The following GALNT13 variants were observed in gnomAD, a reference collection of about 807,000 sequenced individuals.
GALNT13 encodes the protein polypeptide N-acetylgalactosaminyltransferase 13.
In GALNT13, 28 loss-of-function variants were observed where a neutral mutation model predicts 64.2. The observed-to-expected ratio is 0.44, with a 90% CI of 0.32 to 0.60. GALNT13 has a LOEUF of 0.60. GALNT13 is among the 20% of genes least tolerant of loss of function. The pLI, the probability that GALNT13 is intolerant of heterozygous loss-of-function variation, is 0.05. For synonymous variants in GALNT13, 214 were observed against 224.6 expected (o/e 0.95, Z 0.42); for missense variants, 577 against 669.8 (o/e 0.86, Z 1.53).
At chr2:153,222,253 A>G in the GALNT13 span, among the ~76,000 whole-genome samples, 2 of 97,906 alleles carry the variant, frequency 2.0e-5, no homozygotes, top group Admixed American at 2.7e-4. Flanking sequence ...GGAGACCCAC[A>G]GTGTGTAGCT....
At chr2:153,223,621 A>G in the GALNT13 span, among the ~76,000 whole-genome samples, 1 of 152,182 alleles carries the variant, frequency 6.6e-6, no homozygotes, top group African/African-American at 2.4e-5. Context: ...TTAAAAAAAT[A>G]TGTTCAACTA....
At chr2:153,204,719 T>A in the GALNT13 span, among the ~76,000 whole-genome samples, 1 of 152,156 alleles carries the variant, frequency 6.6e-6, no homozygotes, top group Non-Finnish European at 1.5e-5. Context: ...TTTTGAGTTA[T>A]TTATCAAGAG....
chr2:153,436,744 C>T, the GALNT13 span, among the ~76,000 whole-genome samples: 1 of 152,182 alleles, frequency 6.6e-6, no homozygotes, highest in Admixed American at 6.5e-5. Flanking sequence ...TGCTAACAGT[C>T]TATCAATTTT....
At chr2:153,597,871 A>G in the GALNT13 span, among the ~76,000 whole-genome samples, 1 of 152,104 alleles carries the variant, frequency 6.6e-6, no homozygotes, top group South Asian at 2.1e-4. Flanking sequence ...GGAAATTCAA[A>G]TTAAATAATG....
At chr2:153,823,684 A>T in the GALNT13 span, among the ~76,000 whole-genome samples, 1 of 152,230 alleles carries the variant, frequency 6.6e-6, no homozygotes, top group Non-Finnish European at 1.5e-5. Context: ...ATACTTAGTT[A>T]ATATCATTCT....
chr2:154,198,328 TTTA>T (rs1559019667), intron 4 of GALNT13, among the ~76,000 whole-genome samples: 1 of 152,042 alleles, frequency 6.6e-6, no homozygotes, highest in East Asian at 1.9e-4. Flanking sequence ...CTTTAAATCT[TTTA>T]TTTTCTTTTT....
chr2:153,414,626 A>G, the GALNT13 span, among the ~76,000 whole-genome samples: 1 of 152,098 alleles, frequency 6.6e-6, no homozygotes, highest in Admixed American at 6.6e-5. Flanking sequence ...TGATCTGTAT[A>G]CAAAGGAATG....
At chr2:153,508,099 G>A in the GALNT13 span, among the ~76,000 whole-genome samples, 1 of 152,176 alleles carries the variant, frequency 6.6e-6, no homozygotes, top group Non-Finnish European at 1.5e-5. Context: ...GACTCTGTGA[G>A]GGTCCTTGGT....
the GALNT13 span, among the ~76,000 whole-genome samples, chr2:153,086,045 TC>T: frequency 1.3e-5 from 2 of 152,186 alleles, no homozygotes; most frequent in Non-Finnish European, 2.9e-5. Context: ...ATTTAATGAC[TC>T]CCCTATTGGA....
At chr2:153,783,810 G>A in the GALNT13 span, among the ~76,000 whole-genome samples, 4 of 152,114 alleles carry the variant, frequency 2.6e-5, no homozygotes, top group African/African-American at 7.2e-5. Flanking sequence ...TGTGAAGAAG[G>A]ATGTGTTTGC....
At chr2:154,392,082 T>G in intron 9 of GALNT13, among the ~76,000 whole-genome samples, 1 of 152,096 alleles carries the variant, frequency 6.6e-6, no homozygotes, top group Non-Finnish European at 1.5e-5. Flanking sequence ...GAACGTGGGA[T>G]GTTTGAAGAA....
At chr2:153,690,706 C>T in the GALNT13 span, among the ~76,000 whole-genome samples, 5 of 152,086 alleles carry the variant, frequency 3.3e-5, no homozygotes, top group Non-Finnish European at 7.4e-5. Context: ...GCAATAAGAG[C>T]TTTTAAAATA....
chr2:154,436,122 T>A (rs1333032256), intron 11 of GALNT13: 1 of 152,188 alleles, frequency 6.6e-6, no homozygotes. Flanking sequence ...GGAAGCATTA[T>A]CTACAGATTG....
intron 4 of GALNT13, among the ~76,000 whole-genome samples, chr2:154,212,110 G>T (rs746444626): frequency 6.6e-6 from 1 of 152,172 alleles, no homozygotes. Context: ...AGATTGAATT[G>T]TGTTGGAAAG....
At chr2:154,390,772 C>T (rs768239004) in intron 9 of GALNT13, among the ~76,000 whole-genome samples, 1 of 152,180 alleles carries the variant, frequency 6.6e-6, no homozygotes, top group Non-Finnish European at 1.5e-5. Flanking sequence ...CATTATGCAT[C>T]TTTATTTCAT....
the GALNT13 span, among the ~76,000 whole-genome samples, chr2:153,362,639 G>A: frequency 9.5e-5 from 14 of 147,498 alleles, no homozygotes; most frequent in Non-Finnish European, 1.6e-4. Flanking sequence ...CAAAAAAGAC[G>A]AAGGATATTA....
chr2:153,368,322 G>C, the GALNT13 span, among the ~76,000 whole-genome samples: 1 of 152,110 alleles, frequency 6.6e-6, no homozygotes, highest in East Asian at 1.9e-4. Context: ...TGAGCTTCCT[G>C]TTTCTGACAT....
the GALNT13 span, among the ~76,000 whole-genome samples, chr2:153,730,535 T>C: frequency 6.6e-6 from 1 of 151,608 alleles, no homozygotes; most frequent in Non-Finnish European, 1.5e-5. Context: ...CAAAAGCAAA[T>C]GTAACGAAAT....
intron 9 of GALNT13, among the ~76,000 whole-genome samples, chr2:154,314,861 C>T (rs1169763219): frequency 6.6e-6 from 1 of 152,124 alleles, no homozygotes; most frequent in Non-Finnish European, 1.5e-5. Flanking sequence ...AATATCCAAA[C>T]TATAGTACTC....
Sources: allele counts gnomAD v4.1 joint callset (sites outside exome capture counted in the v4.1 genomes callset), GRCh38; gene constraint gnomAD v4.1.1; transcripts MANE v1.5; gene names NCBI Gene and HGNC (gene_info 2026-07-23, HGNC 2026-07-21).